The following CPAMD8 variants were observed in gnomAD, a reference collection of about 807,000 sequenced individuals.
CPAMD8 encodes the protein C3 and PZP-like alpha-2-macroglobulin domain-containing protein 8.
CPAMD8 carries 146 observed loss-of-function variants against 224.7 expected under a neutral mutation model. The observed-to-expected ratio is 0.65, with a 90% confidence interval of 0.57 to 0.75. The LOEUF (loss-of-function observed/expected upper bound fraction) is 0.75. Ranked by LOEUF, CPAMD8 falls within the 30% of genes least tolerant of loss-of-function variation. The probability of loss-of-function intolerance (pLI) is 0.00; values close to 1 mark genes in which losing one functional copy is unlikely to be tolerated. For synonymous variants in CPAMD8, 966 were observed against 1,044.6 expected, an observed-to-expected ratio of 0.92 and a Z score of 1.45; for missense variants, 2,301 against 2,537.5, an observed-to-expected ratio of 0.91 and a Z score of 2.00.
chr19:16,896,712 C>T (rs1458860238), intron 39 of CPAMD8, 47 bp from the exon 40 acceptor site: 2 of 1,297,460 alleles, frequency 1.5e-6, no homozygotes, highest in Admixed American at 3.4e-5. Context: ...TGAACCTTGC[C>T]CGCGCCCCCA....
chr19:16,947,318 C>T, intron 20 of CPAMD8, 91 bp from the exon 21 acceptor site: 1 of 1,451,320 alleles, frequency 6.9e-7, no homozygotes, highest in South Asian at 1.3e-5. Context: ...ACTCACTGCA[C>T]ACACCAGACT....
intron 13 of CPAMD8, among the ~76,000 whole-genome samples, chr19:16,989,210 C>T (rs1444076478): frequency 2.0e-5 from 3 of 152,122 alleles, no homozygotes; most frequent in African/African-American, 7.2e-5. Flanking sequence ...TGCCCGTGCC[C>T]CCGTCTGTGG....
intron 13 of CPAMD8, among the ~76,000 whole-genome samples, chr19:16,986,167 C>T (rs187456335): frequency 2.6e-5 from 4 of 152,240 alleles, no homozygotes; most frequent in African/African-American, 9.6e-5. Flanking sequence ...TGGAGCCCCC[C>T]AGTTCCCCCC....
rs915728643 is a variant in CPAMD8, at chr19:16,928,936, G to C, written c.3144+6C>G. On this transcript the variant is annotated splice_donor_region_variant and intron_variant, in intron 24 of 41. Coordinates refer to ENST00000443236, the MANE Select transcript of CPAMD8 (RefSeq NM_015692.5). The stretch of plus-strand genomic sequence containing the variant: ...TGCACAAGCCCCAGGCAGTTCTGCT[G>C]TATACCTGGATAAGGCCACCACGCC... 23 of 1,592,246 alleles carry C rather than the reference G, an allele frequency of 1.4e-5. No individual in the cohort carries two copies. Among genetic ancestry groups the C allele is most frequent in the Non-Finnish European group, 1.8e-5 (21 of 1,167,890 alleles).
chr19:16,986,083 T>G (rs556569285), intron 13 of CPAMD8, among the ~76,000 whole-genome samples: 1 of 152,132 alleles, frequency 6.6e-6, no homozygotes, highest in African/African-American at 2.4e-5. Flanking sequence ...AAAACAACCT[T>G]AAAAGATTGG....
intron 26 of CPAMD8, among the ~76,000 whole-genome samples, chr19:16,923,895 G>A (rs2053263589): frequency 6.6e-6 from 1 of 152,170 alleles, no homozygotes; most frequent in East Asian, 1.9e-4. Context: ...GTTCAAGTCT[G>A]CAGTGAGCTA....
intron 7 of CPAMD8, among the ~76,000 whole-genome samples, chr19:17,008,122 T>C (rs951902488): frequency 1.3e-5 from 2 of 152,218 alleles, no homozygotes; most frequent in African/African-American, 4.8e-5. Flanking sequence ...TGAGCTGAGA[T>C]TGTGCCACTG....
rs544270261 is a variant in CPAMD8 at position 16,968,480 on chromosome 19, C to G, written c.2213+2411G>C. ...CCACCAAATCAAGAGGTTTCCTGGA[C>G]AGGTCATACATCAAAATGGGCATCA... is the stretch of plus-strand genomic sequence containing the variant. On this transcript the variant is annotated intron_variant, in intron 18 of 41. Transcript: ENST00000443236. Among the ~76,000 whole-genome samples the G allele has an allele frequency of 2.6e-5, 4 of 152,202 alleles. No homozygotes were observed. In the East Asian group the frequency reaches 7.7e-4, roughly 29 times the overall value.
chr19:16,961,897 AG>A (rs2054671021), intron 18 of CPAMD8, among the ~76,000 whole-genome samples: 1 of 152,230 alleles, frequency 6.6e-6, no homozygotes, highest in South Asian at 2.1e-4. Flanking sequence ...GCAGGCAGAC[AG>A]GGTCTAGAGT....
intron 23 of CPAMD8, among the ~76,000 whole-genome samples, chr19:16,930,870 C>A (rs1385504227): frequency 6.6e-6 from 1 of 152,232 alleles, no homozygotes; most frequent in African/African-American, 2.4e-5. Context: ...ATCTTCACAT[C>A]TCTGGAGCCC....
chr19:16,919,781 A>G (rs1367439765), intron 27 of CPAMD8, among the ~76,000 whole-genome samples: 2 of 152,230 alleles, frequency 1.3e-5, no homozygotes, highest in East Asian at 3.8e-4. Flanking sequence ...AAATGAATGA[A>G]TGTGCGTTGA....
Position 16,975,269 on chromosome 19 carries a change from A to G in CPAMD8, c.1909-11T>C, listed in dbSNP as rs769746882. On this transcript the variant is annotated splice_polypyrimidine_tract_variant and intron_variant, in intron 16 of 41. Transcript: ENST00000443236. ...CAGTTCCTGGAAAACCTGCAGGCAA[A>G]GGGGGACAGAGACTTGTCAGCTGAA... 27 of 1,594,138 alleles carry G rather than the reference A, an allele frequency of 1.7e-5. No individual in the cohort carries two copies. The African/African-American group carries it at 3.2e-4, about 19-fold the overall frequency.
rs142399687 is a variant in CPAMD8, at chr19:16,993,315, C to T, written c.1266+101G>A. 1.5e-4 allele frequency: 137 copies of T among 901,598 alleles called. 2 individuals are homozygous for T. In the African/African-American group the frequency reaches 1.6e-3, roughly 10 times the overall value. The allele number at this position is 901,598 out of a possible 1,614,324, so 55.8% of individuals were successfully genotyped here. A position where few individuals can be genotyped will look rare whatever the true frequency, so the allele number is the denominator to read the frequency against. ...AATGTGTACTCCTGCAGGGCTGGGACGGGCTCCAGGCCCACTGATCAGGTG... is the reference window on the plus strand; with the variant it reads ...AATGTGTACTCCTGCAGGGCTGGGATGGGCTCCAGGCCCACTGATCAGGTG... On this transcript the variant is annotated intron_variant, in intron 12 of 41. Transcript: ENST00000443236.
intron 14 of CPAMD8, among the ~76,000 whole-genome samples, chr19:16,978,795 A>G (rs1443744914): frequency 6.6e-6 from 1 of 151,330 alleles, no homozygotes; most frequent in South Asian, 2.1e-4. Flanking sequence ...CCATCCATCC[A>G]TCTCTTCATC....
intron 18 of CPAMD8, among the ~76,000 whole-genome samples, chr19:16,959,422 G>A (rs1348823878): frequency 2.0e-5 from 3 of 151,732 alleles, no homozygotes; most frequent in Non-Finnish European, 2.9e-5. Flanking sequence ...TGATCCACCC[G>A]CCTCGGCCTC....
At chr19:16,962,233 C>A (rs2054681186) in intron 18 of CPAMD8, among the ~76,000 whole-genome samples, 1 of 152,190 alleles carries the variant, frequency 6.6e-6, no homozygotes. Flanking sequence ...TTGGTAATAA[C>A]AAACTTCTCT....
intron 8 of CPAMD8, 92 bp downstream of exon 8, chr19:17,004,181 C>T (rs983978933): frequency 1.6e-5 from 13 of 810,000 alleles, no homozygotes; most frequent in African/African-American, 3.4e-5. Context: ...GCTGGGATTA[C>T]AGGCGAGAGC....
intron 13 of CPAMD8, among the ~76,000 whole-genome samples, chr19:16,984,861 G>A (rs958032324): frequency 1.3e-5 from 2 of 152,158 alleles, no homozygotes; most frequent in Non-Finnish European, 2.9e-5. Context: ...ACATACACAT[G>A]GGTGAGCATG....
chr19:16,966,932 G>A (rs1487497304), intron 18 of CPAMD8, among the ~76,000 whole-genome samples: 3 of 152,104 alleles, frequency 2.0e-5, no homozygotes, highest in African/African-American at 4.8e-5. Flanking sequence ...ACAGTGTGGC[G>A]ATTCCTCAAG....
Sources: allele counts gnomAD v4.1 joint callset (sites outside exome capture counted in the v4.1 genomes callset), GRCh38; gene constraint gnomAD v4.1.1; transcripts MANE v1.5; gene names NCBI Gene and HGNC (gene_info 2026-07-23, HGNC 2026-07-21).